ADGRL2: variants seen among roughly 807,000 people sequenced by gnomAD.
The protein encoded by ADGRL2 is calcium-independent alpha-latrotoxin receptor 2.
ADGRL2 carries 44 observed loss-of-function variants against 157.4 expected under a neutral mutation model. That is an observed-to-expected ratio of 0.28 (90% CI 0.22 to 0.36). The LOEUF (loss-of-function observed/expected upper bound fraction) is 0.36. Among genes scored for constraint, ADGRL2 ranks in the 10% least tolerant of loss-of-function variants. ADGRL2 has a pLI of 1.00. For missense variants in ADGRL2, 1,510 were observed against 1,768.9 expected, an observed-to-expected ratio of 0.85 and a Z score of 2.63; for synonymous variants, 585 against 624.7, an observed-to-expected ratio of 0.94 and a Z score of 0.95.
intron 1 of ADGRL2, among the ~76,000 whole-genome samples, chr1:81,801,614 G>A (rs1460166113): frequency 6.6e-6 from 1 of 152,148 alleles, no homozygotes; most frequent in East Asian, 1.9e-4. Context: ...GCCTTCCTTG[G>A]GGCAGCGGCC....
chr1:81,752,750 AGTTGGTTTTCT>A (rs1557621539), intron 1 of ADGRL2, among the ~76,000 whole-genome samples: 1 of 152,140 alleles, frequency 6.6e-6, no homozygotes, highest in African/African-American at 2.4e-5. Flanking sequence ...CACTGTGCCC[AGTTGGTTTTCT>A]GTTTTCTTTT....
At chr1:81,323,970 C>T (rs1660708189) in intron 1 of ADGRL2, among the ~76,000 whole-genome samples, 1 of 152,136 alleles carries the variant, frequency 6.6e-6, no homozygotes, top group Non-Finnish European at 1.5e-5. Context: ...TTTGAAGCTA[C>T]GTTCAGGCTA....
chr1:81,729,868 C>A (rs72715747), intron 1 of ADGRL2, among the ~76,000 whole-genome samples: 5,433 of 152,262 alleles, frequency 0.036, 133 homozygotes, highest in African/African-American at 0.066. Flanking sequence ...GCTAAATTTA[C>A]GGGATTGGTC....
intron 3 of ADGRL2, among the ~76,000 whole-genome samples, chr1:81,932,979 G>A (rs1368259607): frequency 1.3e-5 from 2 of 152,172 alleles, no homozygotes; most frequent in African/African-American, 4.8e-5. Flanking sequence ...TGGGATTACA[G>A]GTGTGAGCCA....
At chr1:81,566,101 C>A (rs1303056634) in intron 2 of ADGRL2, among the ~76,000 whole-genome samples, 3 of 152,070 alleles carry the variant, frequency 2.0e-5, no homozygotes, top group Non-Finnish European at 4.4e-5. Flanking sequence ...AGTAATATAT[C>A]TATAAATTCA....
intron 1 of ADGRL2, among the ~76,000 whole-genome samples, chr1:81,350,606 G>A (rs1052232578): frequency 1.3e-5 from 2 of 152,120 alleles, no homozygotes; most frequent in Admixed American, 6.5e-5. Context: ...CAGATTTCAC[G>A]GAAATATAAA....
intron 2 of ADGRL2, among the ~76,000 whole-genome samples, chr1:81,484,949 TTTTGC>T (rs1294725360): frequency 5.3e-5 from 8 of 152,162 alleles, no homozygotes; most frequent in Admixed American, 5.2e-4. Flanking sequence ...ATTTTGCTTC[TTTTGC>T]TTTGTTTTGG....
rs780787341 is a variant in ADGRL2 at position 81,990,529 on chromosome 1, A to G, written c.3794A>G (p.Asn1265Ser). ...GTTGTGGACTGTGGACTAAGTCTGAATGATACTGCTTTTGAGAAAATGATC... is the reference window on the plus strand; with the variant it reads ...GTTGTGGACTGTGGACTAAGTCTGAGTGATACTGCTTTTGAGAAAATGATC... ...VQVVDCGLSL[N>S]DTAFEKMIIS... is the part of the protein sequence containing the mutation. Residue 1265 changes from asparagine to serine, a missense_variant, in exon 24 of 24, where the codon AAT (asparagine) becomes AGT (serine). Physicochemically the swap from Asn to Ser is conservative, Grantham distance 46. This residue lies in a region of ADGRL2 where 327 missense variants were observed against 310.1 expected (regional missense o/e 1.05). Coordinates refer to ENST00000686636, the MANE Select transcript of ADGRL2 (RefSeq NM_001366006.2). The G allele has an allele frequency of 1.9e-6, 3 of 1,614,164 alleles. No individual in the cohort carries two copies. The highest frequency in any genetic ancestry group is 2.5e-6 in the Non-Finnish European group (3 of 1,180,010).
At chr1:81,478,787 G>T (rs1207328842) in intron 2 of ADGRL2, among the ~76,000 whole-genome samples, 1 of 151,952 alleles carries the variant, frequency 6.6e-6, no homozygotes, top group Non-Finnish European at 1.5e-5. Flanking sequence ...GGTGATGCTT[G>T]TTGATCAGTG....
chr1:81,919,283 T>G (rs557020701), intron 3 of ADGRL2, among the ~76,000 whole-genome samples: 42 of 152,150 alleles, frequency 2.8e-4, no homozygotes, highest in Non-Finnish European at 5.4e-4. Context: ...TTTCGCAGTT[T>G]ATGTTAAATA....
chr1:81,648,354 C>A (rs1385906786), intron 3 of ADGRL2, among the ~76,000 whole-genome samples: 1 of 152,206 alleles, frequency 6.6e-6, no homozygotes, highest in Non-Finnish European at 1.5e-5. Flanking sequence ...TTCAAACTCA[C>A]AACTCTAGGC....
chr1:81,820,871 C>G (rs765859543), intron 1 of ADGRL2, among the ~76,000 whole-genome samples: 1 of 152,122 alleles, frequency 6.6e-6, no homozygotes, highest in Non-Finnish European at 1.5e-5. Flanking sequence ...AGAAAACATG[C>G]AAGTAGGAAT....
At chr1:81,763,777 C>A (rs9726013) in intron 2 of ADGRL2, among the ~76,000 whole-genome samples, 2 of 151,602 alleles carry the variant, frequency 1.3e-5, no homozygotes, top group African/African-American at 4.8e-5. Context: ...GAGACGGAGG[C>A]GGGCGGATTA....
At chr1:81,428,544 T>A (rs1373658990) in intron 1 of ADGRL2, among the ~76,000 whole-genome samples, 2 of 151,810 alleles carry the variant, frequency 1.3e-5, no homozygotes, top group Admixed American at 1.3e-4. Context: ...CAAACAAGGG[T>A]CAGATGGTTG....
At chr1:81,867,072 T>C (rs1175249405) in intron 2 of ADGRL2, among the ~76,000 whole-genome samples, 1 of 152,206 alleles carries the variant, frequency 6.6e-6, no homozygotes, top group Non-Finnish European at 1.5e-5. Context: ...ATTATGTTTC[T>C]AGACACAAGA....
rs183376857 is a variant in ADGRL2, at chr1:81,815,457, T to A, written c.-101+14389T>A. On this transcript the variant is annotated intron_variant, in intron 1 of 23. Coordinates refer to ENST00000686636, the MANE Select transcript of ADGRL2 (RefSeq NM_001366006.2). ...TTGAATTTCACCTCGAGAAAATCTT[T>A]GTTTCATCTCGTTGCTCTGTAGGAT... Among the ~76,000 whole-genome samples the A allele has an allele frequency of 5.4e-4, 82 of 152,030 alleles. 1 individual carries two copies. The South Asian group carries it at 6.6e-3, about 12-fold the overall frequency.
chr1:81,860,597 G>A (rs1324050543), intron 2 of ADGRL2, among the ~76,000 whole-genome samples: 1 of 152,122 alleles, frequency 6.6e-6, no homozygotes, highest in Admixed American at 6.5e-5. Flanking sequence ...ATACCCCATG[G>A]TAACATGACA....
chr1:81,441,901 G>A (rs1243572499), intron 1 of ADGRL2, among the ~76,000 whole-genome samples: 4 of 152,184 alleles, frequency 2.6e-5, no homozygotes, highest in East Asian at 3.9e-4. Context: ...GTGTGGTGGT[G>A]CGATCATAGC....
intron 2 of ADGRL2, among the ~76,000 whole-genome samples, chr1:81,550,481 G>A (rs1365671435): frequency 6.6e-6 from 1 of 152,118 alleles, no homozygotes; most frequent in Admixed American, 6.6e-5. Flanking sequence ...GAAAAATTCT[G>A]TTACAAGCCC....
Sources: gnomAD v4.1 joint callset for allele counts (sites outside exome capture counted in the v4.1 genomes callset) on GRCh38, gnomAD v4.1.1 for gene constraint, gnomAD v4.1.1 regional missense constraint, MANE v1.5 for transcripts, NCBI Gene and HGNC (gene_info 2026-07-23, HGNC 2026-07-21) for gene names.